The following RUNX1 variants were observed in gnomAD, a reference collection of about 807,000 sequenced individuals.
RUNX1 encodes runt-related transcription factor 1.
Under a neutral mutation model 42.8 loss-of-function variants are expected in RUNX1, and 19 were observed. That is an observed-to-expected ratio of 0.44 (90% CI 0.31 to 0.65). RUNX1 has a LOEUF of 0.65. RUNX1 is among the 30% of genes least tolerant of loss of function. The pLI is 0.07. For synonymous variants in RUNX1, 271 were observed against 289.4 expected, an observed-to-expected ratio of 0.94 and a Z score of 0.64; for missense variants, 528 against 672.0, an observed-to-expected ratio of 0.79 and a Z score of 2.37.
chr21:34,978,356 A>G (rs1409475099), intron 2 of RUNX1, among the ~76,000 whole-genome samples: 1 of 152,250 alleles, frequency 6.6e-6, no homozygotes, highest in Non-Finnish European at 1.5e-5. Flanking sequence ...GAACTCAAAA[A>G]TAAGTGGTCC....
intron 2 of RUNX1, among the ~76,000 whole-genome samples, chr21:35,010,280 C>T (rs886927766): frequency 6.6e-6 from 1 of 151,926 alleles, no homozygotes; most frequent in African/African-American, 2.4e-5. Context: ...AAAACATATC[C>T]AATATAGATT....
At chr21:35,047,939 C>T (rs910355279) in intron 2 of RUNX1, among the ~76,000 whole-genome samples, 5 of 152,124 alleles carry the variant, frequency 3.3e-5, no homozygotes, top group African/African-American at 4.8e-5. Flanking sequence ...TCTTTTACCA[C>T]GAAAGATACA....
chr21:34,876,850 A>G (rs1417876223), intron 5 of RUNX1, among the ~76,000 whole-genome samples: 1 of 140,232 alleles, frequency 7.1e-6, no homozygotes, highest in Non-Finnish European at 1.6e-5. Flanking sequence ...CATTGCTAAA[A>G]TTTCTTTTTC....
Position 34,909,382 on chromosome 21 carries a change from T to G in RUNX1, c.59-16419A>C, listed in dbSNP as rs536706553. Among the ~76,000 whole-genome samples, 3 of 152,228 alleles carry G rather than the reference T, an allele frequency of 2.0e-5. No homozygotes were observed. In the East Asian group the frequency reaches 5.8e-4, roughly 29 times the overall value. Reference sequence around the variant, plus strand: ...GAGAATCCACTTGGAGCACATCAGATAGGTTTATTACTTTGTTCCTCCCTT... The same window carrying G: ...GAGAATCCACTTGGAGCACATCAGAGAGGTTTATTACTTTGTTCCTCCCTT... On this transcript the variant is annotated intron_variant, in intron 2 of 8. Coordinates refer to ENST00000675419, the MANE Select transcript of RUNX1 (RefSeq NM_001754.5).
At chr21:34,955,732 G>A (rs970256641) in intron 2 of RUNX1, among the ~76,000 whole-genome samples, 3 of 152,192 alleles carry the variant, frequency 2.0e-5, no homozygotes, top group Non-Finnish European at 4.4e-5. Flanking sequence ...ATATAAAATT[G>A]TGGTTGAATG....
Position 35,048,829 on chromosome 21 carries a change from A to C in RUNX1, c.58+13T>G, listed in dbSNP as rs2147041559. Reference sequence around the variant, plus strand: ...GAGCAAAAGTAGATATTACAAGACCAGCATGTACTCACCTCTCATGAAGCA... The same window carrying C: ...GAGCAAAAGTAGATATTACAAGACCCGCATGTACTCACCTCTCATGAAGCA... On this transcript the variant is annotated intron_variant, in intron 2 of 8. Coordinates refer to ENST00000675419, the MANE Select transcript of RUNX1 (RefSeq NM_001754.5). The C allele has an allele frequency of 6.2e-7, 1 of 1,608,660 alleles. No homozygotes were observed. The highest frequency in any genetic ancestry group is 8.5e-7 in the Non-Finnish European group (1 of 1,175,006).
At chr21:35,038,611 CTCTGTGTG>C (rs1279587174) in intron 2 of RUNX1, 1 of 288,350 alleles carries the variant, frequency 3.5e-6, no homozygotes, top group Non-Finnish European at 6.4e-6. Flanking sequence ...CTCTCTCTCT[CTCTGTGTG>C]TGTGTGTGTG....
intron 5 of RUNX1, among the ~76,000 whole-genome samples, chr21:34,877,761 G>GA (rs2057835257): frequency 6.6e-6 from 1 of 152,176 alleles, no homozygotes; most frequent in African/African-American, 2.4e-5. Flanking sequence ...GTAGAACAGA[G>GA]AAAAACCCTT....
rs371971118 is a variant in RUNX1 at position 34,842,492 on chromosome 21, CAAAAAA to C, written c.614-7897_614-7892del. On this transcript the variant is annotated intron_variant, in intron 6 of 8. Coordinates refer to ENST00000675419, the MANE Select transcript of RUNX1 (RefSeq NM_001754.5). ...ACTGGGTGACAGAGGGAGACCTCTC[CAAAAAA>C]AAAAAAAAAAAAAAAAATTAAATCA... Among the ~76,000 whole-genome samples the C allele has an allele frequency of 2.6e-3, 135 of 52,218 alleles. 2 individuals are homozygous for C. The highest frequency in any genetic ancestry group is 0.016 in the Middle Eastern group (1 of 64). 34.3% of individuals were successfully genotyped at this position (52,218 alleles called of 152,430 possible).
At chr21:34,913,096 G>C (rs1047734743) in intron 2 of RUNX1, among the ~76,000 whole-genome samples, 1 of 152,184 alleles carries the variant, frequency 6.6e-6, no homozygotes, top group Admixed American at 6.5e-5. Flanking sequence ...GCTGGGGGTG[G>C]TGGTGGGCAC....
At chr21:34,812,076 A>G (rs1445860724) in intron 7 of RUNX1, among the ~76,000 whole-genome samples, 2 of 152,006 alleles carry the variant, frequency 1.3e-5, no homozygotes, top group East Asian at 1.9e-4. Context: ...AACAGAGTGA[A>G]TAAGAGGCTA....
Position 34,791,843 on chromosome 21 carries a change from TCCAG to T in RUNX1, c.*288_*291del, listed in dbSNP as rs1043209523. ...CCTCCGGGAATCTTCCTGTTTGCTT[TCCAG>T]CGCGTCCCCTGGGTGCTGGGGCCGG... is the stretch of plus-strand genomic sequence containing the variant. On this transcript the variant is annotated 3_prime_UTR_variant, in exon 9 of 9. Transcript: ENST00000675419. 2.1e-5 allele frequency: 5 copies of T among 242,498 alleles called. No homozygotes were observed. Among genetic ancestry groups the T allele is most frequent in the Non-Finnish European group, 3.2e-5 (4 of 123,470 alleles). 15.0% of individuals were successfully genotyped at this position (242,498 alleles called of 1,614,324 possible).
At chr21:34,902,230 T>C (rs1301061979) in intron 2 of RUNX1, among the ~76,000 whole-genome samples, 2 of 152,170 alleles carry the variant, frequency 1.3e-5, no homozygotes, top group Non-Finnish European at 2.9e-5. Context: ...TAAGCAACTT[T>C]TGTGTTCAAA....
intron 5 of RUNX1, among the ~76,000 whole-genome samples, chr21:34,861,740 G>A (rs1446613415): frequency 3.3e-5 from 5 of 152,232 alleles, no homozygotes; most frequent in African/African-American, 9.6e-5. Flanking sequence ...CCCTTCACCC[G>A]AGTCTTCCTG....
chr21:34,993,717 AGG>A lies in RUNX1; in HGVS notation c.58+55123_58+55124del, dbSNP rs1491382029. On this transcript the variant is annotated intron_variant, in intron 2 of 8. Coordinates refer to ENST00000675419, the MANE Select transcript of RUNX1 (RefSeq NM_001754.5). ...GGCGCACACACACACAGACACACAC[AGG>A]CACACACACACAGACACACAGAGAC... Among the ~76,000 whole-genome samples, 59 of 124,518 alleles carry A rather than the reference AGG, an allele frequency of 4.7e-4. 1 individual carries two copies. The highest frequency in any genetic ancestry group is 2.2e-3 in the African/African-American group (52 of 23,248). 81.7% of individuals were successfully genotyped at this position (124,518 alleles called of 152,430 possible).
intron 8 of RUNX1, among the ~76,000 whole-genome samples, chr21:34,797,334 G>GT (rs2056543997): frequency 6.6e-6 from 1 of 152,216 alleles, no homozygotes; most frequent in Non-Finnish European, 1.5e-5. Flanking sequence ...ATTCACAAAT[G>GT]TAACTGTGAT....
intron 2 of RUNX1, chr21:35,038,477 G>C: frequency 4.4e-6 from 2 of 455,488 alleles, no homozygotes; most frequent in South Asian, 1.6e-5. Context: ...GACAGCAGCA[G>C]TTTCTGCTAC....
At chr21:34,987,332 G>A (rs1423515623) in intron 2 of RUNX1, among the ~76,000 whole-genome samples, 1 of 152,208 alleles carries the variant, frequency 6.6e-6, no homozygotes, top group African/African-American at 2.4e-5. Context: ...AGACATTTGA[G>A]GGGAGCGGGC....
chr21:35,001,310 AT>A (rs2059041382), intron 2 of RUNX1, among the ~76,000 whole-genome samples: 1 of 9,818 alleles, frequency 1.0e-4, no homozygotes, highest in African/African-American at 7.0e-4. Flanking sequence ...TTATGGTTTT[AT>A]ATATATATAT....
Sources: allele counts gnomAD v4.1 joint callset (sites outside exome capture counted in the v4.1 genomes callset), GRCh38; gene constraint gnomAD v4.1.1; transcripts MANE v1.5; gene names NCBI Gene and HGNC (gene_info 2026-07-23, HGNC 2026-07-21).